NRG1: variants seen among roughly 807,000 people sequenced by gnomAD.
The protein encoded by NRG1 is neuregulin 1.
A neutral mutation model predicts 63.8 loss-of-function variants in NRG1; 18 were observed. The observed-to-expected ratio is 0.28, with a 90% CI of 0.19 to 0.42. The LOEUF is 0.42. Among genes scored for constraint, NRG1 ranks in the 10% least tolerant of loss-of-function variants. NRG1 has a pLI of 1.00. For missense variants in NRG1, 762 were observed against 814.7 expected (o/e 0.94, Z 0.79); for synonymous variants, 302 against 301.3 (o/e 1.00, Z -0.02).
chr8:32,744,209 G>C (rs548419717), intron 7 of NRG1, among the ~76,000 whole-genome samples: 2 of 152,172 alleles, frequency 1.3e-5, no homozygotes, highest in Non-Finnish European at 2.9e-5. Flanking sequence ...GAAGTTTCCA[G>C]AATAAATTCT....
At chr8:32,569,982 A>C (rs1234568094) in intron 1 of NRG1, among the ~76,000 whole-genome samples, 5 of 141,186 alleles carry the variant, frequency 3.5e-5, no homozygotes, top group Non-Finnish European at 7.5e-5. Flanking sequence ...ATCTTGGCTC[A>C]CTGCAACCTC....
At chr8:32,345,113 C>T (rs2129478774) in intron 1 of NRG1, among the ~76,000 whole-genome samples, 1 of 152,276 alleles carries the variant, frequency 6.6e-6, no homozygotes, top group East Asian at 1.9e-4. Context: ...TATGTTGATG[C>T]AGTTCTAGAG....
chr8:32,443,437 G>A (rs1053259079), intron 1 of NRG1, among the ~76,000 whole-genome samples: 3 of 151,444 alleles, frequency 2.0e-5, no homozygotes, highest in Admixed American at 6.6e-5. Context: ...TGAAATAAGC[G>A]GATTTTGACA....
chr8:32,764,287 C>G, exon 12 of NRG1: 2 of 1,614,036 alleles, frequency 1.2e-6, no homozygotes, highest in Non-Finnish European at 1.7e-6. Context: ...GAGGCAACAC[C>G]TGCCTTCCGC....
In NRG1 at chr8:32,386,748, T is replaced by C. The variant is rs74823109; in HGVS notation, c.38-209080T>C. 3.3e-3 allele frequency among the ~76,000 whole-genome samples: 502 copies of C among 152,322 alleles called. 3 individuals carry two copies. Among genetic ancestry groups the C allele is most frequent in the Non-Finnish European group, 5.6e-3 (380 of 68,026 alleles). On this transcript the variant is annotated intron_variant, in intron 1 of 10. Coordinates refer to the NRG1 transcript ENST00000519301. ...GAAGCAAATGGAATCCATGGCACTT[T>C]CCAATTTTGTACTTTCTCTTTCTGT...
chr8:31,977,756 T>C (rs756283537), intron 1 of NRG1, among the ~76,000 whole-genome samples: 2 of 152,166 alleles, frequency 1.3e-5, no homozygotes, highest in Non-Finnish European at 2.9e-5. Context: ...TCAAAGTCTT[T>C]CACCAGGTAT....
At chr8:31,873,210 A>T (rs1293320305) in intron 1 of NRG1, among the ~76,000 whole-genome samples, 3 of 152,150 alleles carry the variant, frequency 2.0e-5, no homozygotes, top group African/African-American at 4.8e-5. Flanking sequence ...TAGAATAGAG[A>T]TGGAGATGGG....
chr8:32,437,760 A>G (rs1048094727), intron 1 of NRG1, among the ~76,000 whole-genome samples: 1 of 152,126 alleles, frequency 6.6e-6, no homozygotes, highest in African/African-American at 2.4e-5. Flanking sequence ...ATTATTTTAT[A>G]CTATGTTTTC....
intron 1 of NRG1, among the ~76,000 whole-genome samples, chr8:32,155,722 C>T (rs1220293312): frequency 6.6e-6 from 1 of 152,158 alleles, no homozygotes; most frequent in Non-Finnish European, 1.5e-5. Flanking sequence ...GTCACCATAT[C>T]TCTTCCTCTC....
At chr8:32,418,695 T>C (rs1413181180) in intron 1 of NRG1, among the ~76,000 whole-genome samples, 2 of 152,196 alleles carry the variant, frequency 1.3e-5, no homozygotes, top group Admixed American at 1.3e-4. Context: ...AATATACACC[T>C]ACAAATAATT....
At chr8:31,690,124 T>TA (rs2131119229) in intron 1 of NRG1, among the ~76,000 whole-genome samples, 1 of 152,356 alleles carries the variant, frequency 6.6e-6, no homozygotes, top group African/African-American at 2.4e-5. Context: ...TTCCTCCTTT[T>TA]ACTCCACACT....
At chr8:31,810,557 C>T (rs773826286) in intron 1 of NRG1, among the ~76,000 whole-genome samples, 4 of 152,142 alleles carry the variant, frequency 2.6e-5, no homozygotes. Flanking sequence ...GCTGTTTCCT[C>T]ACCTAGTAGC....
chr8:32,459,284 A>T (rs1822006297), intron 1 of NRG1, among the ~76,000 whole-genome samples: 1 of 152,118 alleles, frequency 6.6e-6, no homozygotes, highest in African/African-American at 2.4e-5. Context: ...TCTGATCCCC[A>T]TATCCTATAA....
intron 1 of NRG1, among the ~76,000 whole-genome samples, chr8:31,848,675 T>C (rs899379765): frequency 6.6e-6 from 1 of 152,264 alleles, no homozygotes; most frequent in South Asian, 2.1e-4. Context: ...CAAATTCTCA[T>C]AGAAGCATGA....
At chr8:32,468,728 T>C (rs1383728513) in intron 1 of NRG1, among the ~76,000 whole-genome samples, 1 of 151,786 alleles carries the variant, frequency 6.6e-6, no homozygotes, top group Non-Finnish European at 1.5e-5. Context: ...TACAGTTTTT[T>C]TTTTTTTTTT....
At chr8:32,669,583 C>A (rs1251040105) in intron 5 of NRG1, among the ~76,000 whole-genome samples, 1 of 152,134 alleles carries the variant, frequency 6.6e-6, no homozygotes, top group East Asian at 1.9e-4. Context: ...GTTTGGAGTT[C>A]AGCAACTTTT....
Position 32,027,702 on chromosome 8 carries a change from G to T in NRG1, c.37+388271G>T, listed in dbSNP as rs1817676652. 2.6e-5 allele frequency among the ~76,000 whole-genome samples: 4 copies of T among 152,170 alleles called. 1 individual carries two copies. In the South Asian group the frequency reaches 8.3e-4, roughly 32 times the overall value. ...TGTCTGTAATCTATGGGAATACTGG[G>T]TGATGAAGGCAGGGATCTAGTCTTA... is the stretch of plus-strand genomic sequence containing the variant. On this transcript the variant is annotated intron_variant, in intron 1 of 10. Coordinates refer to the NRG1 transcript ENST00000519301.
intron 5 of NRG1, among the ~76,000 whole-genome samples, chr8:32,692,058 T>C (rs1480605120): frequency 6.6e-6 from 1 of 152,232 alleles, no homozygotes; most frequent in Admixed American, 6.5e-5. Flanking sequence ...CTTCTTACTT[T>C]ATTTCCATAA....
chr8:32,345,616 A>G (rs73586267), intron 1 of NRG1, among the ~76,000 whole-genome samples: 14,520 of 152,198 alleles, frequency 0.095, 951 homozygotes, highest in African/African-American at 0.18. Context: ...AGCACAATAC[A>G]TGAGTAGTTT....
Sources: allele counts gnomAD v4.1 joint callset (sites outside exome capture counted in the v4.1 genomes callset), GRCh38; gene constraint gnomAD v4.1.1; transcripts MANE v1.5; gene names NCBI Gene and HGNC (gene_info 2026-07-23, HGNC 2026-07-21).